The following PGM2L1 variants were observed in gnomAD, a reference collection of about 807,000 sequenced individuals.
PGM2L1 encodes glucose 1,6-bisphosphate synthase.
PGM2L1 carries 35 observed loss-of-function variants against 73.4 expected under a neutral mutation model. The ratio of observed to expected loss-of-function variants is 0.48; its 90% confidence interval spans 0.36 to 0.63. The LOEUF (loss-of-function observed/expected upper bound fraction) is 0.63. PGM2L1 is among the 30% of genes least tolerant of loss of function. The probability of loss-of-function intolerance (pLI) is 0.00; values close to 1 mark genes in which losing one functional copy is unlikely to be tolerated. For synonymous variants in PGM2L1, 225 were observed against 253.8 expected (o/e 0.89, Z 1.08); for missense variants, 570 against 742.0 (o/e 0.77, Z 2.69).
In PGM2L1 at chr11:74,374,470, G is replaced by A; in HGVS notation, c.224C>T (p.Ala75Val). Reference protein sequence around the residue: ...MTFGTAGLRSAMGAGFCYIND... With the variant: ...MTFGTAGLRSVMGAGFCYIND... Reference sequence around the variant, plus strand: ...AATATAGCAAAACCCTGCCCCCATGGCAGAACGAAGTCCTGCAGTCCCAAA... The same window carrying A: ...AATATAGCAAAACCCTGCCCCCATGACAGAACGAAGTCCTGCAGTCCCAAA... The change falls in exon 2 of 14, where the codon GCC becomes GTC. Residue 75 changes from alanine (A) to valine (V), a missense_variant. By Grantham distance (64) the Ala-to-Val change is moderately conservative. Transcript: ENST00000298198. The A allele has an allele frequency of 6.2e-7, 1 of 1,614,006 alleles. No homozygotes were observed. Among genetic ancestry groups the A allele is most frequent in the African/African-American group, 1.3e-5 (1 of 75,020 alleles).
At chr11:74,370,002 C>A (rs192722986) in intron 4 of PGM2L1, among the ~76,000 whole-genome samples, 2 of 152,258 alleles carry the variant, frequency 1.3e-5, no homozygotes, top group Admixed American at 1.3e-4. Context: ...ACACCTTGGC[C>A]TCCCAAAGTG....
At chr11:74,353,117 A>T (rs1459393813) in intron 5 of PGM2L1, among the ~76,000 whole-genome samples, 2 of 152,176 alleles carry the variant, frequency 1.3e-5, no homozygotes, top group Admixed American at 1.3e-4. Flanking sequence ...AACTGCCCCC[A>T]GTCAGTGAAA....
intron 1 of PGM2L1, among the ~76,000 whole-genome samples, chr11:74,390,002 C>T (rs1421719691): frequency 2.1e-5 from 3 of 140,802 alleles, no homozygotes; most frequent in South Asian, 4.6e-4. Context: ...GCCTGTAGTC[C>T]CAGCTACTCG....
rs573297103 is a variant in PGM2L1, at chr11:74,335,308, G to A, written c.*1344C>T. 8.7e-4 allele frequency: 132 copies of A among 151,514 alleles called. No homozygotes were observed. The highest frequency in any genetic ancestry group is 2.8e-3 in the African/African-American group (116 of 41,218). The allele number at this position is 151,514 out of a possible 1,614,324, so 9.4% of individuals were successfully genotyped here. On this transcript the variant is annotated 3_prime_UTR_variant, in exon 14 of 14. Coordinates refer to ENST00000298198, the MANE Select transcript of PGM2L1 (RefSeq NM_173582.6). ...GGCTAATTTTTGTATTTTTAGTAGA[G>A]ACAGGGTTTCACCATATTGGCCAGG...
Position 74,343,025 on chromosome 11 carries a change from A to G in PGM2L1, c.1313-11T>C, listed in dbSNP as rs371160324. On this transcript the variant is annotated splice_polypyrimidine_tract_variant and intron_variant, in intron 10 of 13. Transcript: ENST00000298198. ...TTCCACAGAGAAAACCTGAGGATTG[A>G]AAACCATCACTAGAAAAGAGGAAAA... 1,393 of 1,586,886 alleles carry G rather than the reference A, an allele frequency of 8.8e-4. 2 individuals are homozygous for G. The highest frequency in any genetic ancestry group is 1.8e-3 in the South Asian group (154 of 85,438).
At chr11:74,345,849 A>G (rs1484126015) in intron 8 of PGM2L1, among the ~76,000 whole-genome samples, 200 bp from the exon 9 acceptor site, 1 of 152,222 alleles carries the variant, frequency 6.6e-6, no homozygotes, top group Admixed American at 6.5e-5. Flanking sequence ...CGTCTTTTGG[A>G]AAATTATTAT....
At chr11:74,376,484 T>C (rs1384667037) in intron 1 of PGM2L1, among the ~76,000 whole-genome samples, 1 of 151,016 alleles carries the variant, frequency 6.6e-6, no homozygotes, top group Non-Finnish European at 1.5e-5. Context: ...ATATATAGTA[T>C]AATGTGTATA....
chr11:74,340,107 A>G (rs1303313861), intron 12 of PGM2L1, among the ~76,000 whole-genome samples: 2 of 152,226 alleles, frequency 1.3e-5, no homozygotes. Context: ...CTGATAAGTG[A>G]ATATACACAG....
intron 1 of PGM2L1, among the ~76,000 whole-genome samples, chr11:74,389,292 T>G (rs1252146278): frequency 1.3e-5 from 2 of 152,106 alleles, no homozygotes; most frequent in Non-Finnish European, 2.9e-5. Flanking sequence ...CCTGAGCTAA[T>G]GAAATATAAT....
rs1462132853 is a variant in PGM2L1 at position 74,371,744 on chromosome 11, C to T, written c.353G>A (p.Arg118Gln). The T allele has an allele frequency of 2.5e-6, 4 of 1,613,734 alleles. No individual in the cohort carries two copies. The highest frequency in any genetic ancestry group is 2.7e-5 in the African/African-American group (2 of 74,868). Residue 118 changes from arginine (R) to glutamine (Q), a missense_variant, in exon 3 of 14, where the codon CGG (arginine) becomes CAG (glutamine). Transcript: ENST00000298198. ...QRGFVVGYDTRGQVTSSCSSQ... is the reference protein window; with the variant it reads ...QRGFVVGYDTQGQVTSSCSSQ... ...GCTGCAGCTGCTAGTTACTTGACCC[C>T]GAGTGTCATACCCAACCACAAAGCC... is the stretch of plus-strand genomic sequence containing the variant.
intron 2 of PGM2L1, 100 bp from the exon 3 acceptor site, chr11:74,371,917 G>A: frequency 9.7e-7 from 1 of 1,036,156 alleles, no homozygotes; most frequent in Non-Finnish European, 1.5e-6. Flanking sequence ...CTGACTGGCT[G>A]CTAGGGAAGT....
chr11:74,375,004 G>A (rs72973914), intron 1 of PGM2L1, among the ~76,000 whole-genome samples: 1,959 of 152,140 alleles, frequency 0.013, 15 homozygotes, highest in Non-Finnish European at 0.019. Flanking sequence ...GGGACTACAG[G>A]TATGTGCCAC....
At chr11:74,355,402 A>T in intron 5 of PGM2L1, 1 of 541,896 alleles carries the variant, frequency 1.8e-6, no homozygotes, top group Non-Finnish European at 3.4e-6. Flanking sequence ...AAAATACAAA[A>T]AATTAGCCGG....
intron 1 of PGM2L1, among the ~76,000 whole-genome samples, chr11:74,379,727 C>G (rs1264202928): frequency 6.6e-6 from 1 of 151,960 alleles, no homozygotes; most frequent in Non-Finnish European, 1.5e-5. Context: ...AGTTTGAGAC[C>G]AGCCTGGACA....
intron 1 of PGM2L1, among the ~76,000 whole-genome samples, chr11:74,393,698 G>C (rs1041629047): frequency 1.3e-5 from 2 of 152,158 alleles, no homozygotes; most frequent in Middle Eastern, 3.4e-3. Flanking sequence ...AAAATGCCGT[G>C]GCCAATTCCT....
chr11:74,345,682 CT>C, intron 8 of PGM2L1, 33 bp from the exon 9 acceptor site: 1 of 1,582,728 alleles, frequency 6.3e-7, no homozygotes, highest in East Asian at 2.2e-5. Context: ...ATGTCAAGAC[CT>C]TTCTTCTCAT....
Position 74,365,915 on chromosome 11 carries a change from A to G in PGM2L1, c.555+2577T>C, listed in dbSNP as rs1591181167. On this transcript the variant is annotated intron_variant, in intron 5 of 13. Coordinates refer to ENST00000298198, the MANE Select transcript of PGM2L1 (RefSeq NM_173582.6). Reference sequence around the variant, plus strand: ...CTGCTATAAAGGCACATGCACACGTATGTTTATTGCGGCACTATTCACAAT... The same window carrying G: ...CTGCTATAAAGGCACATGCACACGTGTGTTTATTGCGGCACTATTCACAAT... Among the ~76,000 whole-genome samples the G allele has an allele frequency of 5.3e-5, 8 of 152,338 alleles. No individual in the cohort carries two copies. In the East Asian group the frequency reaches 1.5e-3, roughly 29 times the overall value.
At chr11:74,395,570 T>C (rs1863161070) in intron 1 of PGM2L1, among the ~76,000 whole-genome samples, 1 of 141,862 alleles carries the variant, frequency 7.0e-6, no homozygotes, top group African/African-American at 2.6e-5. Context: ...TTTTTTTTTT[T>C]TTTTTTTTGT....
rs569731790 is a variant in PGM2L1, at chr11:74,332,523, T to C, written c.*4129A>G. 1 of 152,722 alleles carries C rather than the reference T, an allele frequency of 6.5e-6. No homozygotes were observed. Among genetic ancestry groups the C allele is most frequent in the African/African-American group, 2.4e-5 (1 of 41,576 alleles). The allele number at this position is 152,722 out of a possible 1,614,324, so 9.5% of individuals were successfully genotyped here. A position where few individuals can be genotyped will look rare whatever the true frequency, so the allele number is the denominator to read the frequency against. ...TCTTATCAGTGAGGTAACAGGGCAATAGTCCTTCACAGTAACAAAATGTGC... is the reference window on the plus strand; with the variant it reads ...TCTTATCAGTGAGGTAACAGGGCAACAGTCCTTCACAGTAACAAAATGTGC... On this transcript the variant is annotated 3_prime_UTR_variant, in exon 14 of 14. Transcript: ENST00000298198.
Sources: allele counts gnomAD v4.1 joint callset (sites outside exome capture counted in the v4.1 genomes callset), GRCh38; gene constraint gnomAD v4.1.1; transcripts MANE v1.5; gene names NCBI Gene and HGNC (gene_info 2026-07-23, HGNC 2026-07-21).